Variants in NRP2 observed in about 807,000 individuals in gnomAD.
The protein encoded by NRP2 is neuropilin 2, also known as neuropilin-2.
NRP2 carries 52 observed loss-of-function variants against 110.4 expected under a neutral mutation model. The observed-to-expected ratio is 0.47, with a 90% confidence interval of 0.38 to 0.59. The LOEUF (loss-of-function observed/expected upper bound fraction) is 0.59, where lower values mean the gene tolerates loss of function less well. NRP2 is among the 20% of genes least tolerant of loss of function. NRP2 has a pLI of 0.00. For missense variants in NRP2, 1,049 were observed against 1,203.0 expected (o/e 0.87, Z 1.89); for synonymous variants, 508 against 468.9 (o/e 1.08, Z -1.08).
chr2:205,708,953 G>A (rs560947503), intron 2 of NRP2, among the ~76,000 whole-genome samples: 20 of 152,326 alleles, frequency 1.3e-4, no homozygotes, highest in South Asian at 4.1e-4. Flanking sequence ...AGCCCTTGGC[G>A]TTAAATAGCA....
intron 2 of NRP2, among the ~76,000 whole-genome samples, chr2:205,711,084 C>T (rs2056788362): frequency 6.6e-6 from 1 of 152,190 alleles, no homozygotes; most frequent in Admixed American, 6.5e-5. Flanking sequence ...TGTGTTGGGG[C>T]ACAAAGACAG....
chr2:205,774,690 A>C (rs531067448), intron 15 of NRP2, among the ~76,000 whole-genome samples: 2 of 152,068 alleles, frequency 1.3e-5, no homozygotes, highest in South Asian at 4.1e-4. Flanking sequence ...ACTTCTGAGA[A>C]GACATTAGAA....
chr2:205,736,850 A>G (rs2057352606), intron 7 of NRP2, among the ~76,000 whole-genome samples: 1 of 152,230 alleles, frequency 6.6e-6, no homozygotes, highest in African/African-American at 2.4e-5. Context: ...AATCCATCTC[A>G]GTGAATTTGA....
intron 1 of NRP2, among the ~76,000 whole-genome samples, chr2:205,687,636 C>T (rs2056204083): frequency 6.6e-6 from 1 of 152,098 alleles, no homozygotes; most frequent in Admixed American, 6.5e-5. Context: ...CCCATAGAGC[C>T]CTCAGACATT....
At chr2:205,733,824 G>A (rs1043070168) in intron 7 of NRP2, among the ~76,000 whole-genome samples, 3 of 142,996 alleles carry the variant, frequency 2.1e-5, no homozygotes, top group East Asian at 2.1e-4. Context: ...CCTCCTCCCC[G>A]CTCCTCCCTG....
chr2:205,727,032 A>C (rs1356873032), intron 6 of NRP2, among the ~76,000 whole-genome samples: 4 of 152,194 alleles, frequency 2.6e-5, no homozygotes, highest in Non-Finnish European at 5.9e-5. Context: ...GGCATCCCCT[A>C]TCTTTGACCT....
intron 15 of NRP2, chr2:205,778,919 C>T (rs933664589): frequency 2.0e-5 from 3 of 152,256 alleles, no homozygotes; most frequent in Admixed American, 2.0e-4. Flanking sequence ...TTTGCTCTGT[C>T]TACCCCAGCA....
At chr2:205,786,088 AGAG>A (rs1230547039) in intron 15 of NRP2, among the ~76,000 whole-genome samples, 2 of 152,208 alleles carry the variant, frequency 1.3e-5, no homozygotes, top group Non-Finnish European at 2.9e-5. Context: ...ACTTCTTAAC[AGAG>A]GAGATTTGGC....
intron 15 of NRP2, among the ~76,000 whole-genome samples, chr2:205,786,858 C>A (rs966791649): frequency 5.9e-5 from 9 of 152,158 alleles, no homozygotes; most frequent in African/African-American, 2.2e-4. Context: ...CATGGGTTCT[C>A]TTGACCTGTC....
In NRP2 at chr2:205,763,012, G is replaced by A. The variant is rs2057849451; in HGVS notation, c.2045-662G>A. Among the ~76,000 whole-genome samples the A allele has an allele frequency of 6.6e-6, 1 of 152,194 alleles. No individual in the cohort carries two copies. Among genetic ancestry groups the A allele is most frequent in the African/African-American group, 2.4e-5 (1 of 41,450 alleles). On this transcript the variant is annotated intron_variant, in intron 12 of 16. Coordinates refer to ENST00000357785, the MANE Select transcript of NRP2 (RefSeq NM_003872.3). This position sits in a 1 kb window ranked among gnomAD's most constrained non-coding sequence, Gnocchi z 4.0. ...CATATGTGCCTGGCTGTCTCAGAAA[G>A]GCCAAGTTCAAGCCTCCCTGAATCA...
chr2:205,749,855 G>A lies in NRP2; in HGVS notation c.1903+14G>A. ...GCTTTGAGGATGGTAAGCACAAATT[G>A]CCTCCAGATGGCATGGGTGCGGACT... On this transcript the variant is annotated intron_variant, in intron 11 of 16. Transcript: ENST00000357785. The A allele has an allele frequency of 6.3e-7, 1 of 1,596,480 alleles. No individual in the cohort carries two copies. Among genetic ancestry groups the A allele is most frequent in the Non-Finnish European group, 8.6e-7 (1 of 1,164,284 alleles).
Position 205,683,331 on chromosome 2 carries a change from A to T in NRP2, c.41A>T (p.Tyr14Phe), listed in dbSNP as rs373490681. Residue 14 changes from tyrosine (Y) to phenylalanine (F), a missense_variant, in exon 1 of 17, where the codon TAC becomes TTC. Coordinates refer to ENST00000357785, the MANE Select transcript of NRP2 (RefSeq NM_003872.3). ...CTCACCTGGGTTTTCTTAGCCCTCT[A>T]CTTTTCAAGACACCAAGTGAGAGGC... ...FPLTWVFLAL[Y>F]FSRHQVRGQP... 2.0e-5 allele frequency: 32 copies of T among 1,613,912 alleles called. No homozygotes were observed. In the East Asian group the frequency reaches 2.4e-4, roughly 12 times the overall value.
At chr2:205,718,989 G>T (rs2056958309) in intron 3 of NRP2, among the ~76,000 whole-genome samples, 1 of 150,944 alleles carries the variant, frequency 6.6e-6, no homozygotes, top group African/African-American at 2.4e-5. Flanking sequence ...AAATGTGCAA[G>T]GGAGCAAAAT....
At chr2:205,794,661 G>A (rs2058335639) in intron 16 of NRP2, 93 bp from the exon 17 acceptor site, 8 of 1,278,956 alleles carry the variant, frequency 6.3e-6, no homozygotes, top group Non-Finnish European at 7.9e-6. Context: ...GCTAACTACT[G>A]TGCTCTGAAG....
chr2:205,754,599 G>A lies in NRP2; in HGVS notation c.2044+1624G>A, dbSNP rs553517294. Among the ~76,000 whole-genome samples the A allele has an allele frequency of 2.0e-5, 3 of 152,078 alleles. No individual in the cohort carries two copies. In the South Asian group the frequency reaches 6.2e-4, roughly 32 times the overall value. On this transcript the variant is annotated intron_variant, in intron 12 of 16. Transcript: ENST00000357785. Reference sequence around the variant, plus strand: ...AATTAATATAATGAGCCTCCTGCACGTTGGGAAAAAATACTTATTTTTATA... The same window carrying A: ...AATTAATATAATGAGCCTCCTGCACATTGGGAAAAAATACTTATTTTTATA...
intron 1 of NRP2, among the ~76,000 whole-genome samples, chr2:205,690,310 T>C (rs566914255): frequency 1.0e-3 from 155 of 152,046 alleles, no homozygotes; most frequent in Non-Finnish European, 1.4e-3. Flanking sequence ...TACCAACAAA[T>C]GGCTTAGTGA....
chr2:205,709,447 A>G (rs1313280874), intron 2 of NRP2, among the ~76,000 whole-genome samples: 2 of 152,194 alleles, frequency 1.3e-5, no homozygotes, highest in Non-Finnish European at 2.9e-5. Context: ...GTACCTTCGC[A>G]ATCCTGCCAC....
intron 16 of NRP2, among the ~76,000 whole-genome samples, chr2:205,793,160 CA>C (rs1396069620): frequency 6.6e-6 from 1 of 152,154 alleles, no homozygotes; most frequent in Non-Finnish European, 1.5e-5. Context: ...CTTTTATGGG[CA>C]AAAGTGCATG....
At chr2:205,764,876 T>G (rs896604061) in intron 13 of NRP2, among the ~76,000 whole-genome samples, 1 of 152,210 alleles carries the variant, frequency 6.6e-6, no homozygotes, top group African/African-American at 2.4e-5. Flanking sequence ...ATGGGTGAGC[T>G]TCTCTGGGCA....
Sources: allele counts gnomAD v4.1 joint callset (sites outside exome capture counted in the v4.1 genomes callset), GRCh38; gene constraint gnomAD v4.1.1; non-coding constraint Gnocchi (gnomAD v3.1); transcripts MANE v1.5; gene names NCBI Gene and HGNC (gene_info 2026-07-23, HGNC 2026-07-21).